Variants in MYOM2 observed in about 807,000 individuals in gnomAD.
The protein encoded by MYOM2 is myomesin 2, also known as myomesin-2.
In MYOM2, 254 loss-of-function variants were observed where a neutral mutation model predicts 187.6. That is an observed-to-expected ratio of 1.35 (90% CI 1.22 to 1.50). The LOEUF is 1.50. Ranked by LOEUF, MYOM2 falls within the 40% of genes most tolerant of loss-of-function variation. The pLI is 0.00. For synonymous variants in MYOM2, 981 were observed against 753.8 expected (o/e 1.30, Z -4.94); for missense variants, 2,796 against 1,924.0 (o/e 1.45, Z -8.48).
chr8:2,126,250 C>G (rs62478458), intron 31 of MYOM2, among the ~76,000 whole-genome samples: 73 of 152,210 alleles, frequency 4.8e-4, no homozygotes, highest in Admixed American at 1.6e-3. Flanking sequence ...CCAGAACTTC[C>G]CATATCAATA....
At chr8:2,111,318 A>G (rs1797060941) in intron 25 of MYOM2, among the ~76,000 whole-genome samples, 1 of 152,216 alleles carries the variant, frequency 6.6e-6, no homozygotes, top group Non-Finnish European at 1.5e-5. Flanking sequence ...AAATCATTCA[A>G]CTTCATCTTG....
chr8:2,096,382 A>G lies in MYOM2; in HGVS notation c.2261A>G (p.His754Arg), dbSNP rs542217959. The G allele has an allele frequency of 1.2e-6, 2 of 1,614,228 alleles. No homozygotes were observed. Among genetic ancestry groups the G allele is most frequent in the South Asian group, 1.1e-5 (1 of 91,086 alleles). ...TACCTGGACAAGCGTGAAGTTCACC[A>G]TAAAAACTGGCACGAGGTCAATTCC... ...GYYLDKREVH[H>R]KNWHEVNSSP... is the part of the protein sequence containing the mutation. Residue 754 changes from histidine (H) to arginine (R), a missense_variant, in exon 18 of 37, where the codon CAT (histidine) becomes CGT (arginine). His to Arg is a conservative substitution (Grantham distance 29, BLOSUM62 0). Coordinates refer to ENST00000262113, the MANE Select transcript of MYOM2 (RefSeq NM_003970.4).
intron 5 of MYOM2, 85 bp from the exon 6 acceptor site, chr8:2,059,068 G>A: frequency 9.1e-7 from 1 of 1,101,276 alleles, no homozygotes; most frequent in Non-Finnish European, 1.4e-6. Context: ...GAAATGGGCA[G>A]CAGGCGCGGG....
rs138392536 is a variant in MYOM2 at position 2,136,673 on chromosome 8, A to G, written c.3801-4050A>G. Among the ~76,000 whole-genome samples, 716 of 152,304 alleles carry G rather than the reference A, an allele frequency of 4.7e-3. 13 individuals carry two copies. The highest frequency in any genetic ancestry group is 0.045 in the East Asian group (232 of 5,180). ...CACTGCTGCCCAGCCGGTGTGTCCA[A>G]TTACACCAAAGTCAGGAGGCCGGTG... On this transcript the variant is annotated intron_variant, in intron 32 of 36. Transcript: ENST00000262113.
At chr8:2,080,911 G>T (rs1225775732) in intron 13 of MYOM2, among the ~76,000 whole-genome samples, 4 of 148,136 alleles carry the variant, frequency 2.7e-5, no homozygotes, top group African/African-American at 1.0e-4. Flanking sequence ...AATGAGGTTG[G>T]TTCTGGCCTG....
chr8:2,084,460 A>G (rs992789453), intron 13 of MYOM2, among the ~76,000 whole-genome samples: 1 of 152,186 alleles, frequency 6.6e-6, no homozygotes, highest in African/African-American at 2.4e-5. Context: ...AGACCGTTTT[A>G]ATCATGTGCT....
Position 2,109,478 on chromosome 8 carries a change from C to T in MYOM2, c.3127C>T (p.Pro1043Ser). The T allele has an allele frequency of 6.2e-7, 1 of 1,613,390 alleles. No homozygotes were observed. The highest frequency in any genetic ancestry group is 8.5e-7 in the Non-Finnish European group (1 of 1,179,686). The change falls in exon 25 of 37, where the codon CCA becomes TCA. Residue 1043 changes from proline to serine, a missense_variant. Transcript: ENST00000262113. ...CTGGCTCCAGGCTGAGCACTTATCA[C>T]CAGATGCCAGCTACCGATTTATTAT... ...RFWLQAEHLS[P>S]DASYRFIIND...
intron 2 of MYOM2, 146 bp downstream of exon 2, chr8:2,051,019 G>C: frequency 1.6e-6 from 1 of 637,358 alleles, no homozygotes; most frequent in Non-Finnish European, 2.8e-6. Flanking sequence ...CCGTGCCCAG[G>C]TCCTGCCACG....
intron 6 of MYOM2, among the ~76,000 whole-genome samples, chr8:2,061,232 C>T (rs548672022): frequency 7.3e-5 from 11 of 151,348 alleles, no homozygotes; most frequent in South Asian, 2.1e-4. Flanking sequence ...TGAGGGAGGG[C>T]GTCTCTGTCC....
intron 15 of MYOM2, among the ~76,000 whole-genome samples, chr8:2,091,486 C>T (rs73549992): frequency 0.057 from 8,695 of 152,228 alleles, 323 homozygotes; most frequent in East Asian, 0.13. Flanking sequence ...GCGGAGGCAC[C>T]CTGGAAATCC....
At chr8:2,074,644 G>T (rs1819352741) in intron 10 of MYOM2, among the ~76,000 whole-genome samples, 1 of 152,070 alleles carries the variant, frequency 6.6e-6, no homozygotes, top group African/African-American at 2.4e-5. Context: ...TAGTAGAGAT[G>T]GGATTTCACC....
intron 14 of MYOM2, among the ~76,000 whole-genome samples, chr8:2,087,428 C>T (rs939867926): frequency 2.0e-5 from 3 of 152,070 alleles, no homozygotes; most frequent in Non-Finnish European, 4.4e-5. Context: ...GGGGTAGAAA[C>T]TAGAAATATT....
chr8:2,089,924 G>C (rs3817703), intron 14 of MYOM2, 84 bp from the exon 15 acceptor site: 1,201,896 of 1,362,236 alleles, frequency 0.88, 530,886 homozygotes, highest in South Asian at 0.92. Context: ...GGGATAGCGA[G>C]AACAGAGCAT....
In MYOM2 at chr8:2,099,080, C is replaced by T. The variant is rs937609654; in HGVS notation, c.2440+97C>T. 1.5e-5 allele frequency: 22 copies of T among 1,419,516 alleles called. No individual in the cohort carries two copies. The East Asian group carries it at 3.0e-4, about 19-fold the overall frequency. 87.9% of individuals were successfully genotyped at this position (1,419,516 alleles called of 1,614,324 possible). A position where few individuals can be genotyped will look rare whatever the true frequency, so the allele number is the denominator to read the frequency against. On this transcript the variant is annotated intron_variant, in intron 19 of 36. Coordinates refer to ENST00000262113, the MANE Select transcript of MYOM2 (RefSeq NM_003970.4). ...ACTCTGGACTCGCCAGCCTTCACAG[C>T]GTGTCTGTTCCTCCGACACCCGCAG...
At chr8:2,063,088 A>T (rs1818904110) in intron 6 of MYOM2, among the ~76,000 whole-genome samples, 1 of 152,236 alleles carries the variant, frequency 6.6e-6, no homozygotes, top group Non-Finnish European at 1.5e-5. Flanking sequence ...GAAACTTCCA[A>T]GACCACCTTT....
chr8:2,124,648 G>C (rs1226641637), intron 31 of MYOM2, among the ~76,000 whole-genome samples: 1 of 152,184 alleles, frequency 6.6e-6, no homozygotes, highest in Admixed American at 6.5e-5. Flanking sequence ...TCACATGTCA[G>C]TTCAGCTTGT....
intron 14 of MYOM2, 140 bp from the exon 15 acceptor site, chr8:2,089,868 G>A (rs1796234869): frequency 3.2e-6 from 2 of 621,758 alleles, no homozygotes; most frequent in Non-Finnish European, 5.2e-6. Context: ...AAAGATGCAT[G>A]ACCATCCTTT....
At chr8:2,078,181 T>G (rs970556898) in intron 11 of MYOM2, among the ~76,000 whole-genome samples, 1 of 152,232 alleles carries the variant, frequency 6.6e-6, no homozygotes. Context: ...TTCAAAAGAC[T>G]TCTAAATTCC....
At chr8:2,111,762 C>T (rs1797075182) in intron 25 of MYOM2, among the ~76,000 whole-genome samples, 1 of 152,128 alleles carries the variant, frequency 6.6e-6, no homozygotes, top group South Asian at 2.1e-4. Flanking sequence ...AAAATAATCT[C>T]CCTCCCTCAA....
Sources: allele counts gnomAD v4.1 joint callset (sites outside exome capture counted in the v4.1 genomes callset), GRCh38; gene constraint gnomAD v4.1.1; transcripts MANE v1.5; gene names NCBI Gene and HGNC (gene_info 2026-07-23, HGNC 2026-07-21).